The following ERBB4 variants were observed in gnomAD, a reference collection of about 807,000 sequenced individuals.
ERBB4 encodes the protein receptor tyrosine-protein kinase erbB-4.
Under a neutral mutation model 158.0 loss-of-function variants are expected in ERBB4, and 42 were observed. The observed-to-expected ratio is 0.27, with a 90% CI of 0.21 to 0.34. ERBB4 has a LOEUF of 0.34. Ranked by LOEUF, ERBB4 falls within the 10% of genes least tolerant of loss-of-function variation. ERBB4 has a pLI of 1.00. For synonymous variants in ERBB4, 583 were observed against 558.7 expected (o/e 1.04, Z -0.61); for missense variants, 1,333 against 1,624.1 (o/e 0.82, Z 3.08).
At chr2:212,433,383 T>C (rs1416962438) in intron 1 of ERBB4, among the ~76,000 whole-genome samples, 2 of 152,014 alleles carry the variant, frequency 1.3e-5, no homozygotes, top group Non-Finnish European at 2.9e-5. Flanking sequence ...GACTAAAATA[T>C]TCCTTTAATA....
At chr2:211,845,246 G>A (rs13002463) in intron 3 of ERBB4, among the ~76,000 whole-genome samples, 33,026 of 151,566 alleles carry the variant, frequency 0.22, 3,721 homozygotes, top group South Asian at 0.33. Flanking sequence ...CAGAAACCAC[G>A]CTCCATCACT....
intron 20 of ERBB4, among the ~76,000 whole-genome samples, chr2:211,530,850 C>T (rs2066479930): frequency 1.3e-5 from 2 of 152,104 alleles, no homozygotes; most frequent in South Asian, 4.1e-4. Flanking sequence ...GATCATGCCA[C>T]TGTACTCAGC....
intron 3 of ERBB4, among the ~76,000 whole-genome samples, chr2:211,911,053 T>A (rs1473697890): frequency 6.6e-6 from 1 of 152,182 alleles, no homozygotes; most frequent in Non-Finnish European, 1.5e-5. Context: ...TTTATTTTGT[T>A]ATAGATTTCC....
chr2:212,003,196 A>AGAAGGAAGGAAGGAAGGAAGGAAGGAAG (rs2076166412), intron 2 of ERBB4, among the ~76,000 whole-genome samples: 1 of 66,272 alleles, frequency 1.5e-5, no homozygotes, highest in African/African-American at 4.1e-5. Flanking sequence ...AAAGAAAGAA[A>AGAAGGAAGGAAGGAAGGAAGGAAGGAAG]GAAAGAAAGA....
chr2:212,211,915 G>A (rs10196985), intron 1 of ERBB4, among the ~76,000 whole-genome samples: 84,490 of 149,802 alleles, frequency 0.56, 23,716 homozygotes, highest in East Asian at 0.77. Flanking sequence ...TGGCAACATA[G>A]TATTCCATGT....
rs189827915 is a variant in ERBB4 at position 212,439,720 on chromosome 2, C to T, written c.82+98729G>A. Among the ~76,000 whole-genome samples the T allele has an allele frequency of 3.4e-3, 519 of 151,976 alleles. 1 individual carries two copies. The highest frequency in any genetic ancestry group is 6.8e-3 in the Middle Eastern group (2 of 294). On this transcript the variant is annotated intron_variant, in intron 1 of 27. Transcript: ENST00000342788. ...AAGTTTTTGGTTTAATAAAAATAAC[C>T]AGAAACAGCCTTCTGGAGGAGGTAA...
chr2:211,448,920 AC>A (rs2064176657), intron 20 of ERBB4, among the ~76,000 whole-genome samples: 1 of 152,126 alleles, frequency 6.6e-6, no homozygotes, highest in Non-Finnish European at 1.5e-5. Context: ...CTTTGGGTAA[AC>A]TATGATATTG....
At chr2:212,199,392 C>T (rs2082526054) in intron 1 of ERBB4, among the ~76,000 whole-genome samples, 1 of 152,094 alleles carries the variant, frequency 6.6e-6, no homozygotes, top group Admixed American at 6.6e-5. Context: ...TCATTAGTGA[C>T]TTTAAATATT....
intron 17 of ERBB4, among the ~76,000 whole-genome samples, chr2:211,629,528 C>T (rs566721340): frequency 6.6e-6 from 1 of 152,232 alleles, no homozygotes; most frequent in Admixed American, 6.5e-5. Flanking sequence ...ACTTTCTTCA[C>T]AGAATTGGAA....
intron 14 of ERBB4, among the ~76,000 whole-genome samples, chr2:211,669,216 C>CAAAAAAAAAAAAAAAA (rs71054124): frequency 2.5e-4 from 14 of 56,076 alleles, no homozygotes; most frequent in Non-Finnish European, 3.5e-4. Context: ...GAGTGAGTCT[C>CAAAAAAAAAAAAAAAA]AAAAAAAAAA....
At chr2:211,622,307 T>C (rs535833596) in intron 18 of ERBB4, among the ~76,000 whole-genome samples, 85 of 152,282 alleles carry the variant, frequency 5.6e-4, no homozygotes, top group Non-Finnish European at 1.1e-3. Flanking sequence ...TCTTTGAACA[T>C]ATACAAATCT....
chr2:211,744,753 T>A (rs1575084242), intron 5 of ERBB4, among the ~76,000 whole-genome samples: 1 of 152,220 alleles, frequency 6.6e-6, no homozygotes, highest in Non-Finnish European at 1.5e-5. Context: ...TAAGGTGTAG[T>A]CTATGAAATA....
chr2:211,707,263 C>A (rs1386348969), intron 9 of ERBB4, among the ~76,000 whole-genome samples: 1 of 152,234 alleles, frequency 6.6e-6, no homozygotes, highest in Admixed American at 6.5e-5. Context: ...ACTCAGGACC[C>A]TTGTCAAATA....
intron 2 of ERBB4, among the ~76,000 whole-genome samples, chr2:212,032,095 A>C (rs1413987592): frequency 1.3e-5 from 2 of 152,120 alleles, no homozygotes; most frequent in East Asian, 3.8e-4. Context: ...ACCATTAATG[A>C]AAGTGTACAA....
intron 1 of ERBB4, among the ~76,000 whole-genome samples, chr2:212,146,081 T>G (rs1283970118): frequency 6.6e-6 from 1 of 152,178 alleles, no homozygotes; most frequent in Non-Finnish European, 1.5e-5. Flanking sequence ...AGCCTGCAAT[T>G]TCATTTAGTT....
chr2:211,610,211 A>G (rs1413766694), intron 19 of ERBB4, among the ~76,000 whole-genome samples: 1 of 152,108 alleles, frequency 6.6e-6, no homozygotes, highest in African/African-American at 2.4e-5. Context: ...TATTAGACTT[A>G]TTAGATTTTA....
chr2:211,623,476 C>T (rs894982338), intron 18 of ERBB4, among the ~76,000 whole-genome samples: 1 of 152,012 alleles, frequency 6.6e-6, no homozygotes, highest in Admixed American at 6.6e-5. Flanking sequence ...AAAAGATCAG[C>T]TACTAGGATC....
At chr2:211,435,592 G>A (rs2063831785) in intron 20 of ERBB4, among the ~76,000 whole-genome samples, 1 of 152,172 alleles carries the variant, frequency 6.6e-6, no homozygotes, top group Non-Finnish European at 1.5e-5. Context: ...CCAGAGCTCT[G>A]CCTCCTGTCA....
In ERBB4 at chr2:212,521,021, T is replaced by C. The variant is rs150120337; in HGVS notation, c.82+17428A>G. Among the ~76,000 whole-genome samples the C allele has an allele frequency of 7.0e-4, 107 of 152,086 alleles. 3 individuals carry two copies. In the East Asian group the frequency reaches 0.02, roughly 29 times the overall value. On this transcript the variant is annotated intron_variant, in intron 1 of 27. Coordinates refer to ENST00000342788, the MANE Select transcript of ERBB4 (RefSeq NM_005235.3). ...TTCTATGTGACAAATTCTGTCAGTGTTTGTGTATAGATGTGGATGATTCTG... is the reference window on the plus strand; with the variant it reads ...TTCTATGTGACAAATTCTGTCAGTGCTTGTGTATAGATGTGGATGATTCTG...
Sources: gnomAD v4.1 joint callset for allele counts (sites outside exome capture counted in the v4.1 genomes callset) on GRCh38, gnomAD v4.1.1 for gene constraint, MANE v1.5 for transcripts, NCBI Gene and HGNC (gene_info 2026-07-23, HGNC 2026-07-21) for gene names.